ALDH1A2: variants seen among roughly 807,000 people sequenced by gnomAD.
The protein encoded by ALDH1A2 is aldehyde dehydrogenase 1 family member A2.
ALDH1A2 carries 27 observed loss-of-function variants against 60.3 expected under a neutral mutation model. The ratio of observed to expected loss-of-function variants is 0.45; its 90% CI spans 0.33 to 0.62. The LOEUF is 0.62. Among genes scored for constraint, ALDH1A2 ranks in the 20% least tolerant of loss-of-function variants. The pLI is 0.02. For missense variants in ALDH1A2, 581 were observed against 643.8 expected, an observed-to-expected ratio of 0.90 and a Z score of 1.06; for synonymous variants, 289 against 232.4, an observed-to-expected ratio of 1.24 and a Z score of -2.21.
In ALDH1A2 at chr15:57,961,159, C is replaced by T. The variant is rs1893704521; in HGVS notation, c.1387G>A (p.Ala463Thr). 6.2e-7 allele frequency: 1 copy of T among 1,613,988 alleles called. No homozygotes were observed. The highest frequency in any genetic ancestry group is 8.5e-7 in the Non-Finnish European group (1 of 1,180,018). Residue 463 changes from alanine to threonine, a missense_variant, in exon 11 of 13, where the codon GCA becomes ACA. This residue lies in a region of ALDH1A2 where 375 missense variants were observed against 469.7 expected (regional missense o/e 0.80). Transcript: ENST00000249750. Reference protein sequence around the residue: ...DINKALTVSSAMQAGTVWINC... With the variant: ...DINKALTVSSTMQAGTVWINC... ...TACCAAACAGTCCCAGCTTGCATTG[C>T]AGAAGACACTGTGAGGGCCTTGTTG...
At chr15:57,983,744 T>A (rs1211171423) in intron 7 of ALDH1A2, among the ~76,000 whole-genome samples, 1 of 152,194 alleles carries the variant, frequency 6.6e-6, no homozygotes, top group Non-Finnish European at 1.5e-5. Context: ...CACACTCTAA[T>A]AGTTACATAT....
intron 4 of ALDH1A2, among the ~76,000 whole-genome samples, chr15:58,006,133 G>A (rs1296899164): frequency 6.6e-6 from 1 of 151,658 alleles, no homozygotes; most frequent in Non-Finnish European, 1.5e-5. Context: ...CACCTGGGTA[G>A]TGTACACTGT....
rs1011148626 is a variant in ALDH1A2 at position 58,065,057 on chromosome 15, G to C, written c.117+477C>G. Among the ~76,000 whole-genome samples, 8 of 152,318 alleles carry C rather than the reference G, an allele frequency of 5.3e-5. No homozygotes were observed. The East Asian group carries it at 1.4e-3, about 26-fold the overall frequency. On this transcript the variant is annotated intron_variant, in intron 1 of 12. Coordinates refer to ENST00000249750, the MANE Select transcript of ALDH1A2 (RefSeq NM_003888.4). ...CGCTGGTGTCTTGACAATTCCTTAC[G>C]GGAAAGCCCCTCAGCACCCTCCGGG...
chr15:58,031,744 A>G (rs1448421046), intron 1 of ALDH1A2, among the ~76,000 whole-genome samples: 1 of 152,234 alleles, frequency 6.6e-6, no homozygotes, highest in Non-Finnish European at 1.5e-5. Context: ...GCCAACAGAC[A>G]CCTGAAAAAA....
Position 58,020,807 on chromosome 15 carries a change from C to T in ALDH1A2, c.118-6526G>A, listed in dbSNP as rs552675877. On this transcript the variant is annotated intron_variant, in intron 1 of 12. Transcript: ENST00000249750. The stretch of plus-strand genomic sequence containing the variant: ...TTAGGATCATCTTGATTGTCATTAA[C>T]GTTTTATGTTTGTACTATGATCACT... 1.2e-4 allele frequency among the ~76,000 whole-genome samples: 18 copies of T among 152,212 alleles called. No homozygotes were observed. In the South Asian group the frequency reaches 2.9e-3, roughly 25 times the overall value.
chr15:58,013,164 A>C (rs1895686066), intron 3 of ALDH1A2, among the ~76,000 whole-genome samples: 1 of 152,214 alleles, frequency 6.6e-6, no homozygotes, highest in South Asian at 2.1e-4. Flanking sequence ...GCAGAAGTGT[A>C]TGAGAGGTCC....
intron 1 of ALDH1A2, among the ~76,000 whole-genome samples, chr15:58,032,468 C>G (rs898168157): frequency 4.6e-5 from 7 of 152,112 alleles, no homozygotes; most frequent in African/African-American, 1.7e-4. Flanking sequence ...AACAAACCTG[C>G]ACGTTGTGCA....
In ALDH1A2 at chr15:57,971,410, CTT is replaced by C. The variant is rs1412182630; in HGVS notation, c.799-5585_799-5584del. ...CTGTCTCCCCGACTACAATGACTGACTTTTAAAAAAATATGCATATGTACACA... is the reference window on the plus strand; with the variant it reads ...CTGTCTCCCCGACTACAATGACTGACTTAAAAAAATATGCATATGTACACA... On this transcript the variant is annotated intron_variant, in intron 7 of 12. Coordinates refer to ENST00000249750, the MANE Select transcript of ALDH1A2 (RefSeq NM_003888.4). 2.0e-5 allele frequency among the ~76,000 whole-genome samples: 3 copies of C among 152,264 alleles called. No homozygotes were observed. The East Asian group carries it at 5.8e-4, about 29-fold the overall frequency.
chr15:58,013,988 T>G lies in ALDH1A2; in HGVS notation c.233A>C (p.Asp78Ala). The G allele has an allele frequency of 6.2e-7, 1 of 1,614,080 alleles. No homozygotes were observed. The highest frequency in any genetic ancestry group is 2.2e-5 in the East Asian group (1 of 44,872). ...EVQEADKADI[D>A]KAVQAARLAF... Reference sequence around the variant, plus strand: ...CAGGCGGGCTGCCTGCACTGCTTTGTCTATATCTGCCTGTTAGAGAGGAAG... The same window carrying G: ...CAGGCGGGCTGCCTGCACTGCTTTGGCTATATCTGCCTGTTAGAGAGGAAG... The change falls in exon 3 of 13, where the codon GAC becomes GCC. Residue 78 changes from aspartate to alanine, a missense_variant. Physicochemically the swap from Asp to Ala is moderately radical, Grantham distance 126. Coordinates refer to ENST00000249750, the MANE Select transcript of ALDH1A2 (RefSeq NM_003888.4).
At chr15:58,055,708 C>A (rs963803292) in intron 1 of ALDH1A2, among the ~76,000 whole-genome samples, 1 of 151,950 alleles carries the variant, frequency 6.6e-6, no homozygotes, top group Non-Finnish European at 1.5e-5. Context: ...CATGTATGAA[C>A]CAAATCACTG....
At chr15:57,974,044 TA>T (rs1245321407) in intron 7 of ALDH1A2, among the ~76,000 whole-genome samples, 2 of 152,110 alleles carry the variant, frequency 1.3e-5, no homozygotes, top group Non-Finnish European at 1.5e-5. Context: ...TTTGTGAAGA[TA>T]AAAAAATTCC....
chr15:57,970,204 C>T (rs1894017372), intron 7 of ALDH1A2, among the ~76,000 whole-genome samples: 1 of 152,196 alleles, frequency 6.6e-6, no homozygotes, highest in Admixed American at 6.5e-5. Flanking sequence ...AAAACCTCAT[C>T]TTTTTTTAGT....
At chr15:57,962,204 A>C (rs751973061) in intron 9 of ALDH1A2, 28 bp from the exon 10 acceptor site, 1 of 1,607,792 alleles carries the variant, frequency 6.2e-7, no homozygotes, top group South Asian at 1.1e-5. Flanking sequence ...TAATGACTCC[A>C]AATATAACCT....
At chr15:58,027,866 A>G (rs865884971) in intron 1 of ALDH1A2, among the ~76,000 whole-genome samples, 28 of 152,210 alleles carry the variant, frequency 1.8e-4, no homozygotes, top group African/African-American at 6.8e-4. Context: ...GTGAAAAGAA[A>G]GAAACAAAGC....
At chr15:58,006,718 T>TTG (rs1895470978) in intron 4 of ALDH1A2, among the ~76,000 whole-genome samples, 1 of 150,816 alleles carries the variant, frequency 6.6e-6, no homozygotes, top group African/African-American at 2.4e-5. Context: ...TTTTTTTTTT[T>TTG]GCAGTAGTGA....
At chr15:57,970,442 A>G (rs567449062) in intron 7 of ALDH1A2, among the ~76,000 whole-genome samples, 12 of 152,322 alleles carry the variant, frequency 7.9e-5, no homozygotes, top group African/African-American at 2.2e-4. Flanking sequence ...CTCAAGATTG[A>G]TATCAGGAGT....
intron 3 of ALDH1A2, among the ~76,000 whole-genome samples, chr15:58,013,076 A>T (rs1895681529): frequency 6.6e-6 from 1 of 152,208 alleles, no homozygotes; most frequent in Non-Finnish European, 1.5e-5. Flanking sequence ...GAGGAAAATC[A>T]TTGTTTTAGT....
At chr15:57,955,755 C>CT (rs1416270640) in intron 12 of ALDH1A2, among the ~76,000 whole-genome samples, 7 of 152,116 alleles carry the variant, frequency 4.6e-5, no homozygotes, top group South Asian at 4.1e-4. Context: ...CTTTCCTCCC[C>CT]CAAGACGGAG....
chr15:57,982,891 G>A (rs1894563297), intron 7 of ALDH1A2, among the ~76,000 whole-genome samples: 2 of 152,134 alleles, frequency 1.3e-5, no homozygotes, highest in Non-Finnish European at 2.9e-5. Context: ...CACTGAGCAT[G>A]TCATGTTCAG....
Sources: gnomAD v4.1 joint callset for allele counts (sites outside exome capture counted in the v4.1 genomes callset) on GRCh38, gnomAD v4.1.1 for gene constraint, gnomAD v4.1.1 regional missense constraint, MANE v1.5 for transcripts, NCBI Gene and HGNC (gene_info 2026-07-23, HGNC 2026-07-21) for gene names.